The following ARHGAP24 variants were observed in gnomAD, a reference collection of about 807,000 sequenced individuals.
The protein encoded by ARHGAP24 is rho GTPase-activating protein 24.
In ARHGAP24, 50 loss-of-function variants were observed where a neutral mutation model predicts 76.4. That is an observed-to-expected ratio of 0.65 (90% CI 0.52 to 0.83). ARHGAP24 has a LOEUF of 0.83. ARHGAP24 is among the 40% of genes least tolerant of loss of function. The pLI is 0.00. For synonymous variants in ARHGAP24, 345 were observed against 323.3 expected (o/e 1.07, Z -0.72); for missense variants, 930 against 914.2 (o/e 1.02, Z -0.22).
At chr4:85,614,233 A>G (rs1222326424) in intron 2 of ARHGAP24, among the ~76,000 whole-genome samples, 1 of 152,146 alleles carries the variant, frequency 6.6e-6, no homozygotes, top group African/African-American at 2.4e-5. Flanking sequence ...AGTGATAGAC[A>G]CTATGGAGAT....
At chr4:85,991,071 A>G (rs941486064) in intron 8 of ARHGAP24, 4 of 152,054 alleles carry the variant, frequency 2.6e-5, no homozygotes, top group African/African-American at 9.7e-5. Flanking sequence ...ACTCAATGAA[A>G]AAGTGGCGAA....
At chr4:85,502,391 T>G (rs1478077305) in intron 1 of ARHGAP24, among the ~76,000 whole-genome samples, 1 of 152,220 alleles carries the variant, frequency 6.6e-6, no homozygotes, top group Non-Finnish European at 1.5e-5. Flanking sequence ...TGTCCTCTTT[T>G]ATTTTGTTGA....
chr4:85,845,212 T>A (rs568926974), intron 3 of ARHGAP24, among the ~76,000 whole-genome samples: 114 of 152,334 alleles, frequency 7.5e-4, no homozygotes, highest in African/African-American at 2.6e-3. Flanking sequence ...CTCATGATAA[T>A]TTTCAGTCAT....
intron 3 of ARHGAP24, among the ~76,000 whole-genome samples, chr4:85,793,466 G>T (rs1728214523): frequency 6.6e-6 from 1 of 152,092 alleles, no homozygotes; most frequent in Non-Finnish European, 1.5e-5. Flanking sequence ...TGAAAACAGG[G>T]CAAGTAGAAA....
intron 3 of ARHGAP24, among the ~76,000 whole-genome samples, chr4:85,741,392 A>T (rs1725821739): frequency 6.6e-6 from 1 of 152,240 alleles, no homozygotes; most frequent in South Asian, 2.1e-4. Context: ...AAATACATAA[A>T]CAGGGTTTTT....
intron 2 of ARHGAP24, among the ~76,000 whole-genome samples, chr4:85,667,222 A>G (rs1362355847): frequency 6.6e-6 from 1 of 152,110 alleles, no homozygotes; most frequent in Non-Finnish European, 1.5e-5. Flanking sequence ...CTCCCCCAGC[A>G]TTGCTGCCGC....
At chr4:85,957,757 G>A (rs1040990323) in intron 5 of ARHGAP24, among the ~76,000 whole-genome samples, 1 of 152,086 alleles carries the variant, frequency 6.6e-6, no homozygotes, top group East Asian at 1.9e-4. Flanking sequence ...ACACACCAAA[G>A]TCTGAAAAAT....
At chr4:85,887,300 A>G (rs920040651) in intron 3 of ARHGAP24, among the ~76,000 whole-genome samples, 15 of 152,182 alleles carry the variant, frequency 9.9e-5, no homozygotes, top group African/African-American at 2.9e-4. Context: ...ATTAAAATAT[A>G]TAATCCAAAG....
At chr4:85,947,458 G>A (rs1737349634) in intron 5 of ARHGAP24, among the ~76,000 whole-genome samples, 2 of 152,252 alleles carry the variant, frequency 1.3e-5, no homozygotes, top group Middle Eastern at 6.8e-3. Context: ...TGAAGACAGA[G>A]CCTTGATCAC....
intron 3 of ARHGAP24, among the ~76,000 whole-genome samples, chr4:85,779,904 A>G (rs1727463742): frequency 6.6e-6 from 1 of 152,228 alleles, no homozygotes; most frequent in South Asian, 2.1e-4. Context: ...CATAAAGTGA[A>G]GTTTAAAAAG....
At chr4:85,974,776 A>G (rs1452556232) in intron 6 of ARHGAP24, 112 bp from the exon 7 acceptor site, 1 of 905,704 alleles carries the variant, frequency 1.1e-6, no homozygotes, top group Non-Finnish European at 1.7e-6. Flanking sequence ...AAGATCTTTC[A>G]CTGATAACAT....
intron 9 of ARHGAP24, among the ~76,000 whole-genome samples, chr4:85,997,918 A>T (rs1406061087): frequency 6.6e-6 from 1 of 152,128 alleles, no homozygotes; most frequent in East Asian, 1.9e-4. Context: ...CGGCCTCCCA[A>T]AGTGCTGGGG....
chr4:85,776,109 T>C (rs1346535654), intron 3 of ARHGAP24, among the ~76,000 whole-genome samples: 1 of 152,142 alleles, frequency 6.6e-6, no homozygotes, highest in Non-Finnish European at 1.5e-5. Context: ...TAGAATCTAG[T>C]AGCTGTTCAT....
intron 4 of ARHGAP24, among the ~76,000 whole-genome samples, chr4:85,932,047 G>A (rs1736365023): frequency 2.0e-5 from 3 of 151,512 alleles, no homozygotes; most frequent in African/African-American, 7.3e-5. Flanking sequence ...TTTTTTTAAG[G>A]AAACCATTGT....
At chr4:85,523,632 T>G (rs559208993) in intron 1 of ARHGAP24, among the ~76,000 whole-genome samples, 1 of 152,292 alleles carries the variant, frequency 6.6e-6, no homozygotes, top group East Asian at 1.9e-4. Context: ...GGCCCAAGAC[T>G]ACTTAGTGGA....
chr4:85,829,832 T>G (rs1729899655), intron 3 of ARHGAP24, among the ~76,000 whole-genome samples: 1 of 152,214 alleles, frequency 6.6e-6, no homozygotes, highest in Non-Finnish European at 1.5e-5. Context: ...GCTTCTATGT[T>G]GAAACACTAG....
chr4:85,874,972 T>TTTTTATATAATTTATATATAAATATA, intron 3 of ARHGAP24, among the ~76,000 whole-genome samples: 3 of 117,994 alleles, frequency 2.5e-5, no homozygotes, highest in Admixed American at 1.1e-4. Context: ...TATAAATATA[T>TTTTTATATAATTTATATATAAATATA]TTTTATATAA....
At chr4:85,828,266 C>T (rs1729817930) in intron 3 of ARHGAP24, among the ~76,000 whole-genome samples, 1 of 152,156 alleles carries the variant, frequency 6.6e-6, no homozygotes, top group African/African-American at 2.4e-5. Flanking sequence ...TGTATCTGTT[C>T]ATATACAGAA....
At chr4:85,516,466 T>TTGCA (rs1043947975) in intron 1 of ARHGAP24, among the ~76,000 whole-genome samples, 7 of 152,180 alleles carry the variant, frequency 4.6e-5, no homozygotes, top group Non-Finnish European at 8.8e-5. Flanking sequence ...TCACTTAAAG[T>TTGCA]TGCAGTTTCC....
Sources: gnomAD v4.1 joint callset for allele counts (sites outside exome capture counted in the v4.1 genomes callset) on GRCh38, gnomAD v4.1.1 for gene constraint, MANE v1.5 for transcripts, NCBI Gene and HGNC (gene_info 2026-07-23, HGNC 2026-07-21) for gene names.